Variants in KAZN observed in about 807,000 individuals in gnomAD.
The protein encoded by KAZN is kazrin.
In KAZN, 40 loss-of-function variants were observed where a neutral mutation model predicts 87.4. The ratio of observed to expected loss-of-function variants is 0.46; its 90% confidence interval spans 0.36 to 0.60. The LOEUF (loss-of-function observed/expected upper bound fraction) is 0.60, where lower values mean the gene tolerates loss of function less well. KAZN is among the 20% of genes least tolerant of loss of function. KAZN has a pLI of 0.00. For synonymous variants in KAZN, 466 were observed against 458.3 expected, an observed-to-expected ratio of 1.02 and a Z score of -0.22; for missense variants, 898 against 1,073.9, an observed-to-expected ratio of 0.84 and a Z score of 2.29.
chr1:14,030,635 T>TACACACAC (rs60838104), intron 1 of KAZN, among the ~76,000 whole-genome samples: 1,828 of 145,092 alleles, frequency 0.013, 43 homozygotes, highest in African/African-American at 0.042. Flanking sequence ...TGTACACAGA[T>TACACACAC]ACACACACAC....
At chr1:14,039,881 A>C (rs1443176141) in intron 1 of KAZN, among the ~76,000 whole-genome samples, 1 of 152,216 alleles carries the variant, frequency 6.6e-6, no homozygotes, top group African/African-American at 2.4e-5. Context: ...AATCAATTCC[A>C]ATAGACAAGC....
intron 2 of KAZN, among the ~76,000 whole-genome samples, chr1:14,587,269 C>G (rs1055791324): frequency 1.3e-5 from 2 of 151,868 alleles, no homozygotes; most frequent in Non-Finnish European, 2.9e-5. Flanking sequence ...AACCCCATCT[C>G]TACTAAAAAT....
chr1:14,516,051 A>C (rs954828449), intron 2 of KAZN, among the ~76,000 whole-genome samples: 7 of 152,186 alleles, frequency 4.6e-5, no homozygotes. Flanking sequence ...ATGGTACTCC[A>C]ACTGCCTGGC....
chr1:14,490,977 G>A (rs1233117559), intron 2 of KAZN, among the ~76,000 whole-genome samples: 1 of 152,150 alleles, frequency 6.6e-6, no homozygotes, highest in Non-Finnish European at 1.5e-5. Context: ...AAAATACTAA[G>A]TTTATAAACT....
intron 2 of KAZN, among the ~76,000 whole-genome samples, chr1:14,542,601 G>C (rs887218454): frequency 2.6e-5 from 4 of 152,156 alleles, no homozygotes; most frequent in Non-Finnish European, 5.9e-5. Flanking sequence ...GGGCAGATTT[G>C]TTACATGGGA....
At chr1:14,394,971 C>G (rs1296630776) in intron 2 of KAZN, among the ~76,000 whole-genome samples, 1 of 152,154 alleles carries the variant, frequency 6.6e-6, no homozygotes, top group Non-Finnish European at 1.5e-5. Context: ...TGGCTAAGTC[C>G]TAGGCAGTGA....
In KAZN at chr1:15,011,879, C is replaced by T. The variant is rs575489419; in HGVS notation, c.419-22870C>T. Among the ~76,000 whole-genome samples the T allele has an allele frequency of 4.6e-5, 7 of 152,188 alleles. No individual in the cohort carries two copies. The South Asian group carries it at 6.2e-4, about 14-fold the overall frequency. ...AAAAGAGGAAGGAGGAGTGGGAAGG[C>T]GGGTGGTGGACGCGGCCAGTCCAGA... is the stretch of plus-strand genomic sequence containing the variant. On this transcript the variant is annotated intron_variant, in intron 2 of 14. Coordinates refer to ENST00000376030, the MANE Select transcript of KAZN (RefSeq NM_201628.3).
rs182240787 is a variant in KAZN at position 14,073,167 on chromosome 1, T to C, written c.92-107268T>C. ...CATTTGAGAAAGAAAGAGAAGAGGC[T>C]ATCAATATTTATATTGCTTTCTGAA... On this transcript the variant is annotated intron_variant, in intron 1 of 16. Coordinates refer to the KAZN transcript ENST00000636203. Among the ~76,000 whole-genome samples the C allele has an allele frequency of 2.8e-3, 423 of 152,316 alleles. 5 individuals carry two copies. Among genetic ancestry groups the C allele is most frequent in the African/African-American group, 9.9e-3 (410 of 41,576 alleles).
chr1:14,776,229 C>G (rs1645171841), intron 1 of KAZN, among the ~76,000 whole-genome samples: 1 of 152,222 alleles, frequency 6.6e-6, no homozygotes, highest in African/African-American at 2.4e-5. Flanking sequence ...GTCTTGAACT[C>G]CTGACCTCAG....
In KAZN at chr1:14,769,961, T is replaced by C. The variant is rs1366901771; in HGVS notation, c.226+170738T>C. 6.6e-6 allele frequency among the ~76,000 whole-genome samples: 1 copy of C among 152,168 alleles called. No individual in the cohort carries two copies. Among genetic ancestry groups the C allele is most frequent in the Non-Finnish European group, 1.5e-5 (1 of 68,034 alleles). Reference sequence around the variant, plus strand: ...CCCTCTGAGCAGGTGATGGGTAAACTGAACCCTGGAGGTTGAGCAGGGATA... The same window carrying C: ...CCCTCTGAGCAGGTGATGGGTAAACCGAACCCTGGAGGTTGAGCAGGGATA... On this transcript the variant is annotated intron_variant, in intron 1 of 14. Transcript: ENST00000376030. This position sits in a 1 kb window ranked among gnomAD's most constrained non-coding sequence, Gnocchi z 4.1.
intron 1 of KAZN, among the ~76,000 whole-genome samples, chr1:14,624,532 C>T (rs1678967174): frequency 6.6e-6 from 1 of 151,996 alleles, no homozygotes; most frequent in Non-Finnish European, 1.5e-5. Context: ...TCATTATGTG[C>T]AGAAATATTT....
chr1:14,413,113 C>T (rs1028369614), intron 2 of KAZN, among the ~76,000 whole-genome samples: 2 of 150,036 alleles, frequency 1.3e-5, no homozygotes, highest in Non-Finnish European at 3.0e-5. Context: ...TATATATGAA[C>T]TTAATCTATG....
chr1:14,376,267 A>G (rs1265500258), intron 2 of KAZN, among the ~76,000 whole-genome samples: 3 of 152,218 alleles, frequency 2.0e-5, no homozygotes, highest in African/African-American at 7.2e-5. Context: ...TATGGCTTGA[A>G]TATGTCCCCC....
chr1:14,031,501 G>T (rs1023478741), intron 1 of KAZN, among the ~76,000 whole-genome samples: 2 of 152,196 alleles, frequency 1.3e-5, no homozygotes, highest in Non-Finnish European at 2.9e-5. Context: ...GGAAGTTGTT[G>T]CTTTGGCCTT....
At chr1:15,016,721 G>A (rs1281363985) in intron 2 of KAZN, among the ~76,000 whole-genome samples, 5 of 152,278 alleles carry the variant, frequency 3.3e-5, no homozygotes, top group East Asian at 1.9e-4. Context: ...CCTGGCCTTC[G>A]CTTCTAGAAA....
intron 1 of KAZN, among the ~76,000 whole-genome samples, chr1:14,120,208 G>A (rs1165958802): frequency 6.6e-6 from 1 of 152,138 alleles, no homozygotes; most frequent in Non-Finnish European, 1.5e-5. Context: ...GAGGCCTCAG[G>A]AAACTTATAA....
Position 14,260,041 on chromosome 1 carries a change from G to A in KAZN, c.249+79449G>A, listed in dbSNP as rs550191565. ...ATTTTCTGAGTTGGCTGTTATCACC[G>A]TTTTCAATTTCTACACTCCTGAAGT... On this transcript the variant is annotated intron_variant, in intron 2 of 16. Transcript: ENST00000636203. 1.3e-4 allele frequency among the ~76,000 whole-genome samples: 20 copies of A among 152,122 alleles called. 1 individual carries two copies. The highest frequency in any genetic ancestry group is 1.2e-3 in the Admixed American group (18 of 15,276).
At chr1:14,915,054 G>A (rs903554995) in intron 1 of KAZN, among the ~76,000 whole-genome samples, 1 of 152,162 alleles carries the variant, frequency 6.6e-6, no homozygotes, top group South Asian at 2.1e-4. Context: ...GGGCGTGGTG[G>A]TGCATGCCTG....
intron 2 of KAZN, among the ~76,000 whole-genome samples, chr1:14,466,664 A>AC (rs1463874961): frequency 2.9e-5 from 4 of 137,798 alleles, no homozygotes; most frequent in Non-Finnish European, 6.6e-5. Context: ...TAAATTTAAA[A>AC]AAAAAAAAAA....
Sources: gnomAD v4.1 joint callset for allele counts (sites outside exome capture counted in the v4.1 genomes callset) on GRCh38, gnomAD v4.1.1 for gene constraint, Gnocchi (gnomAD v3.1) non-coding constraint, MANE v1.5 for transcripts, NCBI Gene and HGNC (gene_info 2026-07-23, HGNC 2026-07-21) for gene names.